The following PRKACB variants were observed in gnomAD, a reference collection of about 807,000 sequenced individuals.
PRKACB encodes protein kinase cAMP-activated catalytic subunit beta.
A neutral mutation model predicts 51.4 loss-of-function variants in PRKACB; 16 were observed. The observed-to-expected ratio is 0.31, with a 90% CI of 0.21 to 0.47. The LOEUF (loss-of-function observed/expected upper bound fraction) is 0.47, where lower values mean the gene tolerates loss of function less well. PRKACB is among the 20% of genes least tolerant of loss of function. The pLI is 1.00. For missense variants in PRKACB, 309 were observed against 464.5 expected (o/e 0.67, Z 3.08); for synonymous variants, 147 against 154.4 (o/e 0.95, Z 0.35).
intron 8 of PRKACB, chr1:84,204,373 C>A: frequency 3.8e-6 from 3 of 794,298 alleles, no homozygotes; most frequent in Non-Finnish European, 6.3e-6. Context: ...TACAGAAAAG[C>A]AGAATGCAGT....
intron 3 of PRKACB, among the ~76,000 whole-genome samples, chr1:84,183,065 A>G (rs1054559879): frequency 3.3e-5 from 5 of 151,982 alleles, no homozygotes; most frequent in Admixed American, 2.6e-4. Context: ...GTATACTCCT[A>G]ATTTTATATA....
At chr1:84,124,251 G>A (rs961977969) in intron 1 of PRKACB, among the ~76,000 whole-genome samples, 2 of 152,132 alleles carry the variant, frequency 1.3e-5, no homozygotes, top group African/African-American at 4.8e-5. Flanking sequence ...TATATTTTAG[G>A]AACTAGAAGA....
At chr1:84,120,441 T>C (rs866699898) in intron 1 of PRKACB, among the ~76,000 whole-genome samples, 16 of 152,178 alleles carry the variant, frequency 1.1e-4, no homozygotes, top group Middle Eastern at 6.8e-3. Context: ...TATCAGCAGG[T>C]TGGAAGAAAA....
chr1:84,235,249 G>A lies in PRKACB; in HGVS notation c.1141G>A (p.Glu381Lys). ...DTSNFDDYEE[E>K]DIRVSITEKC... ...CAGCAACTTTGATGACTATGAAGAAGAAGATATCCGTGTCTCTATAACAGA... is the reference window on the plus strand; with the variant it reads ...CAGCAACTTTGATGACTATGAAGAAAAAGATATCCGTGTCTCTATAACAGA... The change falls in exon 10 of 10, where the codon GAA (glutamate) becomes AAA (lysine). Residue 381 changes from glutamate to lysine, a missense_variant. Transcript: ENST00000370685. 1 of 1,614,026 alleles carries A rather than the reference G, an allele frequency of 6.2e-7. No homozygotes were observed. Among genetic ancestry groups the A allele is most frequent in the Non-Finnish European group, 8.5e-7 (1 of 1,179,906 alleles).
chr1:84,214,492 ATTTT>A (rs200259148), intron 9 of PRKACB, among the ~76,000 whole-genome samples, 175 bp downstream of exon 9: 6 of 136,738 alleles, frequency 4.4e-5, no homozygotes, highest in Admixed American at 1.5e-4. Flanking sequence ...TCCCCCTAGA[ATTTT>A]TTTTTTTTTT....
At chr1:84,172,228 A>G (rs930196532) in intron 1 of PRKACB, among the ~76,000 whole-genome samples, 1 of 151,630 alleles carries the variant, frequency 6.6e-6, no homozygotes, top group African/African-American at 2.4e-5. Flanking sequence ...TTAACTCCAT[A>G]TTGTCGGGAA....
At chr1:84,192,833 C>T (rs1381486743) in intron 5 of PRKACB, among the ~76,000 whole-genome samples, 1 of 152,146 alleles carries the variant, frequency 6.6e-6, no homozygotes, top group Non-Finnish European at 1.5e-5. Flanking sequence ...CAGAAAATAT[C>T]TTGGCATGCC....
chr1:84,134,730 C>T (rs1652618378), intron 1 of PRKACB, among the ~76,000 whole-genome samples: 1 of 152,156 alleles, frequency 6.6e-6, no homozygotes, highest in Non-Finnish European at 1.5e-5. Context: ...TGGAATATAA[C>T]TATGTCAGTA....
At chr1:84,155,423 G>A (rs1244739181) in intron 1 of PRKACB, among the ~76,000 whole-genome samples, 4 of 152,146 alleles carry the variant, frequency 2.6e-5, no homozygotes, top group Admixed American at 1.3e-4. Flanking sequence ...AATAAATGTT[G>A]TTAAAATGCT....
chr1:84,178,896 A>G, intron 1 of PRKACB: 1 of 200,266 alleles, frequency 5.0e-6, no homozygotes, highest in Non-Finnish European at 1.0e-5. Context: ...ACTTTCTTAC[A>G]TTACTTTCTA....
intron 1 of PRKACB, among the ~76,000 whole-genome samples, chr1:84,124,815 A>G (rs1256526067): frequency 2.0e-5 from 3 of 152,162 alleles, no homozygotes; most frequent in Non-Finnish European, 4.4e-5. Flanking sequence ...CTACCTGGCT[A>G]TAGTCTTGGC....
At chr1:84,164,798 T>C (rs1656853895) in intron 1 of PRKACB, 1 of 1,383,710 alleles carries the variant, frequency 7.2e-7, no homozygotes, top group African/African-American at 1.5e-5. Context: ...TGATGTTTAC[T>C]AGTGATATCT....
intron 1 of PRKACB, among the ~76,000 whole-genome samples, chr1:84,166,716 C>A (rs988059610): frequency 6.6e-6 from 1 of 151,676 alleles, no homozygotes; most frequent in African/African-American, 2.4e-5. Context: ...GCCTTTTAAT[C>A]TAAGTCTGTA....
intron 5 of PRKACB, among the ~76,000 whole-genome samples, chr1:84,192,030 A>C (rs1435344525): frequency 6.6e-6 from 1 of 152,098 alleles, no homozygotes; most frequent in African/African-American, 2.4e-5. Flanking sequence ...GCATCTAAAC[A>C]CCTATACTAA....
intron 8 of PRKACB, among the ~76,000 whole-genome samples, chr1:84,210,943 C>A (rs1295520038): frequency 1.3e-5 from 2 of 152,084 alleles, no homozygotes; most frequent in African/African-American, 4.8e-5. Flanking sequence ...ATTTCTCCCC[C>A]AAAATACTTT....
chr1:84,214,013 T>C, intron 8 of PRKACB, 140 bp from the exon 9 acceptor site: 2 of 809,850 alleles, frequency 2.5e-6, no homozygotes, highest in Non-Finnish European at 3.6e-6. Context: ...TAACATGTAG[T>C]TAAAAGTATG....
At chr1:84,146,123 C>A (rs990144207) in intron 1 of PRKACB, among the ~76,000 whole-genome samples, 5 of 146,616 alleles carry the variant, frequency 3.4e-5, no homozygotes, top group African/African-American at 1.2e-4. Flanking sequence ...GCCATGATTT[C>A]TATTGGATAA....
At chr1:84,155,740 T>TGCTTTCA (rs1655418522) in intron 1 of PRKACB, among the ~76,000 whole-genome samples, 1 of 152,226 alleles carries the variant, frequency 6.6e-6, no homozygotes, top group South Asian at 2.1e-4. Flanking sequence ...AAACCATGGT[T>TGCTTTCA]GCTTTCAGCT....
Position 84,185,641 on chromosome 1 carries a change from C to T in PRKACB, c.560+459C>T, listed in dbSNP as rs1254592020. 2.0e-5 allele frequency among the ~76,000 whole-genome samples: 3 copies of T among 151,928 alleles called. No homozygotes were observed. The East Asian group carries it at 5.8e-4, about 29-fold the overall frequency. On this transcript the variant is annotated intron_variant, in intron 5 of 9. Transcript: ENST00000370685. ...CACAAATTTAATTCTCCTTAAAGTTCTTGCTAAGTTTAGTTTTTAAAATAT... is the reference window on the plus strand; with the variant it reads ...CACAAATTTAATTCTCCTTAAAGTTTTTGCTAAGTTTAGTTTTTAAAATAT...
Sources: gnomAD v4.1 joint callset for allele counts (sites outside exome capture counted in the v4.1 genomes callset) on GRCh38, gnomAD v4.1.1 for gene constraint, MANE v1.5 for transcripts, NCBI Gene and HGNC (gene_info 2026-07-23, HGNC 2026-07-21) for gene names.